The following CSMD3 variants were observed in gnomAD, a reference collection of about 807,000 sequenced individuals.
CSMD3 encodes CUB and sushi domain-containing protein 3.
In CSMD3, 177 loss-of-function variants were observed where a neutral mutation model predicts 435.2. That is an observed-to-expected ratio of 0.41 (90% confidence interval 0.36 to 0.46). The LOEUF (loss-of-function observed/expected upper bound fraction) is 0.46. CSMD3 is among the 20% of genes least tolerant of loss of function. The pLI, the probability that CSMD3 is intolerant of heterozygous loss-of-function variation, is 0.34. For synonymous variants in CSMD3, 1,656 were observed against 1,520.5 expected, an observed-to-expected ratio of 1.09 and a Z score of -2.07; for missense variants, 4,265 against 4,504.6, an observed-to-expected ratio of 0.95 and a Z score of 1.52.
intron 38 of CSMD3, among the ~76,000 whole-genome samples, chr8:112,368,355 T>C (rs1827989714): frequency 6.6e-6 from 1 of 152,174 alleles, no homozygotes; most frequent in Admixed American, 6.5e-5. Context: ...AATACTTGAG[T>C]GAATCTCAGA....
chr8:112,505,473 T>G (rs1372315842), intron 29 of CSMD3, among the ~76,000 whole-genome samples: 1 of 152,118 alleles, frequency 6.6e-6, no homozygotes, highest in Non-Finnish European at 1.5e-5. Context: ...GTTGGGAGAA[T>G]CACTAGAAAC....
At chr8:112,509,153 G>C (rs531964477) in intron 28 of CSMD3, among the ~76,000 whole-genome samples, 1 of 148,788 alleles carries the variant, frequency 6.7e-6, no homozygotes, top group African/African-American at 2.5e-5. Flanking sequence ...GCAGTGGCAC[G>C]ACCACAGCTC....
At chr8:113,252,427 T>C (rs750649636) in intron 3 of CSMD3, among the ~76,000 whole-genome samples, 3 of 152,110 alleles carry the variant, frequency 2.0e-5, no homozygotes, top group Non-Finnish European at 4.4e-5. Flanking sequence ...AATGTCAACA[T>C]AGTCTTCTTT....
chr8:112,659,640 G>A (rs2075334299), intron 17 of CSMD3, among the ~76,000 whole-genome samples: 1 of 152,118 alleles, frequency 6.6e-6, no homozygotes, highest in Non-Finnish European at 1.5e-5. Flanking sequence ...TTAGACTCAG[G>A]AGCTGCTGGA....
At chr8:112,405,818 AG>A (rs1831803462) in intron 35 of CSMD3, among the ~76,000 whole-genome samples, 1 of 152,118 alleles carries the variant, frequency 6.6e-6, no homozygotes, top group South Asian at 2.1e-4. Context: ...GATTCTTAAA[AG>A]ATCTCTGAAT....
chr8:112,403,485 G>T lies in CSMD3; in HGVS notation c.5809+3039C>A, dbSNP rs534964435. On this transcript the variant is annotated intron_variant, in intron 35 of 70. Transcript: ENST00000297405. ...TAGATTAGGTAAGTTTTCAACAACA[G>T]AAATGTATTTCTTAGAGTTCTAAAG... Among the ~76,000 whole-genome samples the T allele has an allele frequency of 9.9e-5, 15 of 152,236 alleles. No individual in the cohort carries two copies. The South Asian group carries it at 2.9e-3, about 29-fold the overall frequency.
intron 28 of CSMD3, among the ~76,000 whole-genome samples, chr8:112,515,852 CT>C (rs547594247): frequency 1.3e-4 from 20 of 149,188 alleles, no homozygotes; most frequent in African/African-American, 2.7e-4. Context: ...TGTTGTAAAA[CT>C]TTTTTTTTTA....
Position 112,921,825 on chromosome 8 carries a change from A to G in CSMD3, c.1509-74T>C, listed in dbSNP as rs141960339. 1.8e-3 allele frequency: 2,045 copies of G among 1,163,896 alleles called. 28 individuals are homozygous for G. The African/African-American group carries it at 0.027, about 16-fold the overall frequency. 72.1% of individuals were successfully genotyped at this position (1,163,896 alleles called of 1,614,324 possible). On this transcript the variant is annotated intron_variant, in intron 9 of 70. Coordinates refer to ENST00000297405, the MANE Select transcript of CSMD3 (RefSeq NM_198123.2). ...ATAACTAGGCTTCACTTCTGCTGGC[A>G]ATATCCAATAGGTCAAATATGTACT... is the stretch of plus-strand genomic sequence containing the variant.
chr8:112,938,172 T>G (rs2083343874), intron 9 of CSMD3, among the ~76,000 whole-genome samples: 1 of 152,164 alleles, frequency 6.6e-6, no homozygotes, highest in African/African-American at 2.4e-5. Flanking sequence ...TGCTGCAACA[T>G]AAGGATGAAT....
chr8:112,383,061 C>T (rs1476220021), intron 37 of CSMD3, among the ~76,000 whole-genome samples: 1 of 152,082 alleles, frequency 6.6e-6, no homozygotes, highest in African/African-American at 2.4e-5. Flanking sequence ...AAATATAAGA[C>T]TTCTATTTTA....
intron 11 of CSMD3, among the ~76,000 whole-genome samples, chr8:112,834,849 C>A (rs1242148493): frequency 6.6e-6 from 1 of 151,770 alleles, no homozygotes; most frequent in Non-Finnish European, 1.5e-5. Flanking sequence ...GCCTGTTTTA[C>A]TTCTTCCTAA....
intron 32 of CSMD3, among the ~76,000 whole-genome samples, chr8:112,448,845 G>A (rs2130575142): frequency 6.6e-6 from 1 of 151,562 alleles, no homozygotes; most frequent in South Asian, 2.1e-4. Context: ...GAGACAGAAA[G>A]GAATTCAGGT....
intron 27 of CSMD3, among the ~76,000 whole-genome samples, chr8:112,525,424 A>C (rs1034452047): frequency 2.0e-5 from 3 of 150,394 alleles, no homozygotes; most frequent in Admixed American, 6.6e-5. Context: ...ATCCAATTAA[A>C]AATAACTATC....
At chr8:112,372,805 T>C (rs1416664787) in intron 38 of CSMD3, among the ~76,000 whole-genome samples, 2 of 151,040 alleles carry the variant, frequency 1.3e-5, no homozygotes, top group Non-Finnish European at 2.9e-5. Flanking sequence ...GCCGAGATAG[T>C]GCCATTGCAC....
At chr8:113,124,807 A>C (rs375452273) in intron 4 of CSMD3, among the ~76,000 whole-genome samples, 7 of 152,034 alleles carry the variant, frequency 4.6e-5, no homozygotes, top group African/African-American at 1.7e-4. Context: ...TTATCTTTGC[A>C]CCTCTATACT....
chr8:113,338,108 A>C (rs2094090684), intron 1 of CSMD3, among the ~76,000 whole-genome samples: 1 of 152,002 alleles, frequency 6.6e-6, no homozygotes. Context: ...AACAAAATGA[A>C]ATAAACAAGC....
chr8:113,245,573 T>G (rs781731341), intron 3 of CSMD3, among the ~76,000 whole-genome samples: 3 of 152,070 alleles, frequency 2.0e-5, no homozygotes, highest in Non-Finnish European at 4.4e-5. Flanking sequence ...GTAATATAAA[T>G]GACCTCTTCA....
intron 10 of CSMD3, among the ~76,000 whole-genome samples, chr8:112,911,923 G>A (rs1398501343): frequency 1.6e-5 from 2 of 126,516 alleles, no homozygotes; most frequent in Non-Finnish European, 3.2e-5. Flanking sequence ...TATGAGGCAT[G>A]AATTTTTTCA....
At chr8:112,282,979 G>T (rs1818812571) in intron 58 of CSMD3, among the ~76,000 whole-genome samples, 2 of 152,050 alleles carry the variant, frequency 1.3e-5, no homozygotes, top group South Asian at 4.1e-4. Flanking sequence ...TATTTTTTTA[G>T]ATTCATTAAG....
Sources: allele counts gnomAD v4.1 joint callset (sites outside exome capture counted in the v4.1 genomes callset), GRCh38; gene constraint gnomAD v4.1.1; transcripts MANE v1.5; gene names NCBI Gene and HGNC (gene_info 2026-07-23, HGNC 2026-07-21).